The following WASF2 variants were observed in gnomAD, a reference collection of about 807,000 sequenced individuals.
WASF2 encodes actin-binding protein WASF2.
WASF2 carries 14 observed loss-of-function variants against 45.0 expected under a neutral mutation model. The ratio of observed to expected loss-of-function variants is 0.31; its 90% CI spans 0.21 to 0.49. WASF2 has a LOEUF of 0.49. WASF2 is among the 20% of genes least tolerant of loss of function. WASF2 has a pLI of 0.99. For synonymous variants in WASF2, 200 were observed against 236.3 expected (o/e 0.85, Z 1.41); for missense variants, 439 against 636.1 (o/e 0.69, Z 3.33).
intron 1 of WASF2, among the ~76,000 whole-genome samples, chr1:27,476,655 G>T (rs1557621919): frequency 6.6e-6 from 1 of 151,832 alleles, no homozygotes; most frequent in Non-Finnish European, 1.5e-5. Flanking sequence ...TTCCCCCAGA[G>T]AATTCATTTA....
At chr1:27,488,811 G>A (rs2148150352) in intron 1 of WASF2, among the ~76,000 whole-genome samples, 1 of 152,262 alleles carries the variant, frequency 6.6e-6, no homozygotes, top group South Asian at 2.1e-4. Flanking sequence ...CCCTTGCCCA[G>A]TGATTCTCAG....
Position 27,469,693 on chromosome 1 carries a change from G to A in WASF2, c.-44+20293C>T, listed in dbSNP as rs543295184. ...GCAGTGGCTCATGTCTGTAATCCCAGCACTTCGGGAGGCCAAGGCTGGCAG... is the reference window on the plus strand; with the variant it reads ...GCAGTGGCTCATGTCTGTAATCCCAACACTTCGGGAGGCCAAGGCTGGCAG... On this transcript the variant is annotated intron_variant, in intron 1 of 8. Coordinates refer to ENST00000618852, the MANE Select transcript of WASF2 (RefSeq NM_006990.5). 1.5e-3 allele frequency among the ~76,000 whole-genome samples: 227 copies of A among 152,276 alleles called. 1 individual carries two copies. The highest frequency in any genetic ancestry group is 5.0e-3 in the African/African-American group (208 of 41,554).
At chr1:27,456,572 C>T (rs2017470565) in intron 1 of WASF2, among the ~76,000 whole-genome samples, 1 of 152,032 alleles carries the variant, frequency 6.6e-6, no homozygotes, top group African/African-American at 2.4e-5. Flanking sequence ...GATTTTAAAA[C>T]TATAGGCTGT....
intron 1 of WASF2, among the ~76,000 whole-genome samples, chr1:27,459,745 A>C (rs1469490037): frequency 6.6e-6 from 1 of 152,220 alleles, no homozygotes; most frequent in Non-Finnish European, 1.5e-5. Context: ...TAGGAAGGCT[A>C]TCTGATATAA....
chr1:27,416,271 G>A (rs574052019), intron 4 of WASF2, among the ~76,000 whole-genome samples, 169 bp from the exon 5 acceptor site: 1 of 152,210 alleles, frequency 6.6e-6, no homozygotes, highest in African/African-American at 2.4e-5. Context: ...GCCCCCGAAT[G>A]GCACCTCTCT....
In WASF2 at chr1:27,419,097, A is replaced by G; in HGVS notation, c.131-9T>C. 1 of 1,613,122 alleles carries G rather than the reference A, an allele frequency of 6.2e-7. No individual in the cohort carries two copies. Among genetic ancestry groups the G allele is most frequent in the Non-Finnish European group, 8.5e-7 (1 of 1,179,272 alleles). On this transcript the variant is annotated splice_polypyrimidine_tract_variant and intron_variant, in intron 2 of 8. Transcript: ENST00000618852. ...GTCCTCTGCATATTTACCTGGAAAG[A>G]GCAAAGAAACCAAGTCACTAGTGCA... is the stretch of plus-strand genomic sequence containing the variant.
chr1:27,449,553 C>T (rs1306804386), intron 1 of WASF2, among the ~76,000 whole-genome samples: 8 of 151,086 alleles, frequency 5.3e-5, no homozygotes, highest in East Asian at 2.0e-4. Context: ...GAGCTGAGAT[C>T]GGGCCATTGC....
intron 1 of WASF2, among the ~76,000 whole-genome samples, chr1:27,479,860 G>A (rs1301450441): frequency 2.0e-5 from 3 of 152,042 alleles, no homozygotes; most frequent in African/African-American, 7.2e-5. Flanking sequence ...GCAAGACTCC[G>A]TCTCAAAAAA....
chr1:27,464,753 G>C (rs1490608572), intron 1 of WASF2, among the ~76,000 whole-genome samples: 1 of 152,132 alleles, frequency 6.6e-6, no homozygotes, highest in Non-Finnish European at 1.5e-5. Context: ...TTTTGAGACA[G>C]AGTCTCGCTC....
intron 1 of WASF2, among the ~76,000 whole-genome samples, chr1:27,456,258 C>CT (rs528747083): frequency 6.0e-4 from 87 of 144,692 alleles, no homozygotes; most frequent in Non-Finnish European, 1.1e-3. Context: ...GGAGGCAGAG[C>CT]TTGCAGTGGG....
rs1348221497 is a variant in WASF2 at position 27,408,289 on chromosome 1, C to T, written c.1397G>A (p.Gly466Asp). Residue 466 changes from glycine to aspartate, a missense_variant, in exon 9 of 9, where the codon GGC becomes GAC. Physicochemically the swap from Gly to Asp is moderately conservative, Grantham distance 94 (BLOSUM62 -1). Around this residue, in one of 5 missense-constraint regions of WASF2, gnomAD observed 286 missense variants for 373.5 expected, o/e 0.77. Transcript: ENST00000618852. ...AGACAAGATGGTGGCCACGTCATTGCCCACAACATCCCGCTTCTCTTGTTC... is the reference window on the plus strand; with the variant it reads ...AGACAAGATGGTGGCCACGTCATTGTCCACAACATCCCGCTTCTCTTGTTC... ...QREQEKRDVV[G>D]NDVATILSRR... The T allele has an allele frequency of 1.9e-6, 3 of 1,614,166 alleles. No individual in the cohort carries two copies. Among genetic ancestry groups the T allele is most frequent in the African/African-American group, 1.3e-5 (1 of 75,028 alleles).
At chr1:27,483,661 G>A (rs1459377789) in intron 1 of WASF2, among the ~76,000 whole-genome samples, 3 of 151,656 alleles carry the variant, frequency 2.0e-5, no homozygotes, top group African/African-American at 7.3e-5. Context: ...ACAAAAAGGG[G>A]GTGAGGGGTC....
At chr1:27,469,678 A>G (rs2017664074) in intron 1 of WASF2, among the ~76,000 whole-genome samples, 1 of 152,226 alleles carries the variant, frequency 6.6e-6, no homozygotes, top group African/African-American at 2.4e-5. Context: ...GCAGTGGCTC[A>G]TGTCTGTAAT....
intron 1 of WASF2, among the ~76,000 whole-genome samples, chr1:27,471,627 C>T (rs185954430): frequency 4.6e-5 from 7 of 152,152 alleles, no homozygotes; most frequent in Admixed American, 3.9e-4. Flanking sequence ...GAACCTGTCT[C>T]AAACACACAC....
At position 27,490,124 on chromosome 1, in the gene WASF2, TC is replaced by T. The variant is rs1007168232; in HGVS notation, c.-183del. The T allele has an allele frequency of 2.6e-5, 4 of 152,312 alleles. No individual in the cohort carries two copies. Among genetic ancestry groups the T allele is most frequent in the African/African-American group, 9.7e-5 (4 of 41,436 alleles). 9.4% of individuals were successfully genotyped at this position (152,312 alleles called of 1,614,324 possible). On this transcript the variant is annotated 5_prime_UTR_variant, in exon 1 of 9. It introduces an in-frame stop codon into an upstream open reading frame of the 5' UTR. Transcript: ENST00000618852. ...CAGCGCGCTACGCCCCCAGCCGCGC[TC>T]GCCCTGCCTGTGTCCGCCATTACGC...
chr1:27,449,299 C>T (rs763957987), intron 1 of WASF2, among the ~76,000 whole-genome samples: 4 of 152,048 alleles, frequency 2.6e-5, no homozygotes, highest in Non-Finnish European at 4.4e-5. Flanking sequence ...AGAGAATGGT[C>T]AATAAATGTT....
intron 1 of WASF2, among the ~76,000 whole-genome samples, chr1:27,469,852 G>A (rs2017666213): frequency 6.6e-6 from 1 of 152,070 alleles, no homozygotes. Flanking sequence ...TGAGGCAGGA[G>A]AATCACTTGA....
chr1:27,467,032 T>C (rs572658037), intron 1 of WASF2, among the ~76,000 whole-genome samples: 14 of 151,132 alleles, frequency 9.3e-5, no homozygotes, highest in Admixed American at 2.6e-4. Flanking sequence ...CTGGGCAACA[T>C]GGAGAAACCC....
intron 1 of WASF2, among the ~76,000 whole-genome samples, chr1:27,473,455 C>CAAAAAAAAAA (rs752426888): frequency 8.0e-5 from 4 of 49,752 alleles, no homozygotes; most frequent in African/African-American, 1.5e-4. Context: ...ACTCCATGGC[C>CAAAAAAAAAA]AAAAAAAAAA....
Sources: allele counts gnomAD v4.1 joint callset (sites outside exome capture counted in the v4.1 genomes callset), GRCh38; gene constraint gnomAD v4.1.1; regional missense constraint gnomAD v4.1.1; transcripts MANE v1.5; gene names NCBI Gene and HGNC (gene_info 2026-07-23, HGNC 2026-07-21).